Variants in PPP2R2B observed in about 807,000 individuals in gnomAD.
PPP2R2B encodes serine/threonine-protein phosphatase 2A 55 kDa regulatory subunit B beta isoform.
Under a neutral mutation model 46.0 loss-of-function variants are expected in PPP2R2B, and 5 were observed. The observed-to-expected ratio is 0.11, with a 90% CI of 0.06 to 0.23. The LOEUF (loss-of-function observed/expected upper bound fraction) is 0.23, where lower values mean the gene tolerates loss of function less well. Among genes scored for constraint, PPP2R2B ranks in the 10% least tolerant of loss-of-function variants. The probability of loss-of-function intolerance (pLI) is 1.00; values close to 1 mark genes in which losing one functional copy is unlikely to be tolerated. For synonymous variants in PPP2R2B, 215 were observed against 206.7 expected, an observed-to-expected ratio of 1.04 and a Z score of -0.34; for missense variants, 367 against 575.0, an observed-to-expected ratio of 0.64 and a Z score of 3.70.
At chr5:146,590,398 G>GTTTTTTTTTTTTTTTTTTTTTT (rs1221281341) in intron 9 of PPP2R2B, among the ~76,000 whole-genome samples, 172 bp from the exon 10 acceptor site, 1 of 113,418 alleles carries the variant, frequency 8.8e-6, no homozygotes. Flanking sequence ...TTTTTTTTGT[G>GTTTTTTTTTTTTTTTTTTTTTT]TTTTTTTTTT....
intron 1 of PPP2R2B, among the ~76,000 whole-genome samples, chr5:147,017,173 G>A (rs2151882497): frequency 6.6e-6 from 1 of 151,698 alleles, no homozygotes; most frequent in South Asian, 2.1e-4. Flanking sequence ...TAATACAAGA[G>A]GCGATGGAGT....
At chr5:147,003,643 C>T (rs2151871227) in intron 1 of PPP2R2B, among the ~76,000 whole-genome samples, 1 of 152,266 alleles carries the variant, frequency 6.6e-6, no homozygotes, top group South Asian at 2.1e-4. Flanking sequence ...GACAAATTCT[C>T]TACCAGTCAG....
chr5:146,971,551 A>G (rs1752661125), intron 1 of PPP2R2B, among the ~76,000 whole-genome samples: 1 of 152,230 alleles, frequency 6.6e-6, no homozygotes, highest in East Asian at 1.9e-4. Context: ...AAATAATGCT[A>G]TGATGAATAA....
intron 2 of PPP2R2B, among the ~76,000 whole-genome samples, chr5:146,809,026 T>C (rs947449751): frequency 1.3e-5 from 2 of 151,820 alleles, no homozygotes; most frequent in East Asian, 3.9e-4. Flanking sequence ...GTGATGAATG[T>C]CCTTGGGTCC....
At chr5:146,796,315 A>G (rs190048773) in intron 2 of PPP2R2B, among the ~76,000 whole-genome samples, 11 of 152,294 alleles carry the variant, frequency 7.2e-5, no homozygotes, top group Admixed American at 2.0e-4. Flanking sequence ...AGTCATCACA[A>G]AGGACAGAGT....
chr5:147,044,860 A>G (rs147723208), intron 1 of PPP2R2B, among the ~76,000 whole-genome samples: 88 of 152,286 alleles, frequency 5.8e-4, no homozygotes, highest in African/African-American at 2.0e-3. Context: ...ATGATATGAA[A>G]ACATTCTTAG....
Position 146,878,657 on chromosome 5 carries a change from C to G in PPP2R2B, c.-191G>C. On this transcript the variant is annotated 5_prime_UTR_variant, in exon 1 of 10. Transcript: ENST00000394411. This position sits in a 1 kb window ranked among gnomAD's most constrained non-coding sequence, Gnocchi z 4.5. ...CGGCAGGCGGGGGTAGGGAAGCTGGCGGGGAGCTGGGCAGGGCGCTGCAGC... is the reference window on the plus strand; with the variant it reads ...CGGCAGGCGGGGGTAGGGAAGCTGGGGGGGAGCTGGGCAGGGCGCTGCAGC... The G allele has an allele frequency of 1.6e-6, 2 of 1,262,798 alleles. No homozygotes were observed. Among genetic ancestry groups the G allele is most frequent in the Non-Finnish European group, 2.1e-6 (2 of 974,598 alleles). 78.2% of individuals were successfully genotyped at this position (1,262,798 alleles called of 1,614,324 possible).
chr5:147,052,796 G>T (rs1396271255), intron 1 of PPP2R2B, among the ~76,000 whole-genome samples: 2 of 151,986 alleles, frequency 1.3e-5, no homozygotes, highest in Non-Finnish European at 2.9e-5. Context: ...TAGAGTGTGG[G>T]GTGGTAAGAT....
intron 1 of PPP2R2B, among the ~76,000 whole-genome samples, chr5:146,933,954 A>G (rs946241222): frequency 7.3e-5 from 11 of 151,254 alleles, no homozygotes; most frequent in Admixed American, 2.7e-4. Flanking sequence ...TTCTTGTGAT[A>G]GTTTACTGAG....
chr5:146,955,720 C>T (rs1466249230), intron 1 of PPP2R2B, among the ~76,000 whole-genome samples: 1 of 151,822 alleles, frequency 6.6e-6, no homozygotes, highest in Non-Finnish European at 1.5e-5. Flanking sequence ...CAGATTCTGT[C>T]CCTCTGTCTG....
intron 1 of PPP2R2B, among the ~76,000 whole-genome samples, chr5:146,928,363 C>T (rs1347007400): frequency 6.6e-6 from 1 of 151,908 alleles, no homozygotes; most frequent in Non-Finnish European, 1.5e-5. Flanking sequence ...ACCTCTAAGT[C>T]ACCATACCCA....
chr5:146,594,150 C>T (rs937946107), intron 8 of PPP2R2B, among the ~76,000 whole-genome samples: 1 of 152,098 alleles, frequency 6.6e-6, no homozygotes, highest in Non-Finnish European at 1.5e-5. Flanking sequence ...GTGGAGCTGT[C>T]GAGTAGACTC....
intron 1 of PPP2R2B, among the ~76,000 whole-genome samples, chr5:146,939,375 C>T (rs141996428): frequency 6.6e-6 from 1 of 152,182 alleles, no homozygotes; most frequent in African/African-American, 2.4e-5. Context: ...TGAGCACATG[C>T]AAGTCACGTT....
chr5:146,652,040 G>T (rs1170151795), intron 5 of PPP2R2B, among the ~76,000 whole-genome samples: 1 of 152,114 alleles, frequency 6.6e-6, no homozygotes, highest in Non-Finnish European at 1.5e-5. Context: ...GCTGTAGAAG[G>T]GTCAGGGGTC....
intron 7 of PPP2R2B, among the ~76,000 whole-genome samples, chr5:146,624,024 T>C (rs963427381): frequency 5.3e-5 from 8 of 152,194 alleles, no homozygotes; most frequent in African/African-American, 1.7e-4. Flanking sequence ...TACAGGGCCA[T>C]GCAAGTCGTG....
chr5:146,863,641 TATCCATCCATCCATCCATCCATCC>T (rs3062349), intron 2 of PPP2R2B, among the ~76,000 whole-genome samples: 3 of 150,468 alleles, frequency 2.0e-5, no homozygotes, highest in African/African-American at 4.9e-5. Context: ...TCCATCCATC[TATCCATCCATCCATCCATCCATCC>T]ATCCATCCAT....
intron 2 of PPP2R2B, among the ~76,000 whole-genome samples, chr5:146,860,600 G>A (rs559768636): frequency 1.3e-5 from 2 of 152,238 alleles, no homozygotes; most frequent in Middle Eastern, 3.4e-3. Flanking sequence ...CAGTAGGTCC[G>A]ATAGTCACTA....
intron 2 of PPP2R2B, among the ~76,000 whole-genome samples, chr5:146,807,046 T>A (rs1310704933): frequency 6.6e-6 from 1 of 152,184 alleles, no homozygotes; most frequent in Non-Finnish European, 1.5e-5. Flanking sequence ...GATCCTAGAC[T>A]AGGAGCCTTT....
At chr5:146,855,528 C>T (rs1445035169) in intron 2 of PPP2R2B, among the ~76,000 whole-genome samples, 1 of 152,054 alleles carries the variant, frequency 6.6e-6, no homozygotes, top group Non-Finnish European at 1.5e-5. Flanking sequence ...GTTTTCTTCC[C>T]TTTTTGAACT....
Sources: allele counts gnomAD v4.1 joint callset (sites outside exome capture counted in the v4.1 genomes callset), GRCh38; gene constraint gnomAD v4.1.1; non-coding constraint Gnocchi (gnomAD v3.1); transcripts MANE v1.5; gene names NCBI Gene and HGNC (gene_info 2026-07-23, HGNC 2026-07-21).